The following NT5DC3 variants were observed in gnomAD, a reference collection of about 807,000 sequenced individuals.
NT5DC3 encodes the protein 5'-nucleotidase domain containing 3, also known as 5'-nucleotidase domain-containing protein 3.
A neutral mutation model predicts 67.8 loss-of-function variants in NT5DC3; 42 were observed. The observed-to-expected ratio is 0.62, with a 90% confidence interval of 0.48 to 0.80. The LOEUF (loss-of-function observed/expected upper bound fraction) is 0.80. NT5DC3 is among the 30% of genes least tolerant of loss of function. The pLI is 0.00. For synonymous variants in NT5DC3, 237 were observed against 255.6 expected (o/e 0.93, Z 0.69); for missense variants, 570 against 696.4 (o/e 0.82, Z 2.04).
Position 103,841,228 on chromosome 12 carries a change from G to A in NT5DC3, c.-72C>T, listed in dbSNP as rs1342493844. The A allele has an allele frequency of 4.0e-6, 2 of 499,548 alleles. No individual in the cohort carries two copies. Among genetic ancestry groups the A allele is most frequent in the South Asian group, 2.3e-5 (1 of 44,144 alleles). 30.9% of individuals were successfully genotyped at this position (499,548 alleles called of 1,614,324 possible). On this transcript the variant is annotated 5_prime_UTR_variant, in exon 1 of 14. Coordinates refer to ENST00000392876, the MANE Select transcript of NT5DC3 (RefSeq NM_001031701.3). The stretch of plus-strand genomic sequence containing the variant: ...CTGCTGCCCGGCCCAAGATCTACCC[G>A]CGCTCTGCCCTGCAGGAGGGCAGCT...
At chr12:103,833,023 G>C (rs1005500567) in intron 1 of NT5DC3, among the ~76,000 whole-genome samples, 1 of 152,092 alleles carries the variant, frequency 6.6e-6, no homozygotes, top group Non-Finnish European at 1.5e-5. Flanking sequence ...CGTAGAAAAA[G>C]CACATTTCTG....
At chr12:103,756,540 G>A in the NT5DC3 span, among the ~76,000 whole-genome samples, 1 of 152,156 alleles carries the variant, frequency 6.6e-6, no homozygotes, top group Non-Finnish European at 1.5e-5. Flanking sequence ...CTATATCCAC[G>A]TTTTAGATGA....
At chr12:103,764,857 G>A in the NT5DC3 span, among the ~76,000 whole-genome samples, 2 of 151,978 alleles carry the variant, frequency 1.3e-5, no homozygotes, top group South Asian at 2.1e-4. Context: ...CAGCACTTTC[G>A]GAGGCCAAGG....
In NT5DC3 at chr12:103,798,650, T is replaced by C; in HGVS notation, c.552A>G (p.Glu184=). 1 of 1,613,962 alleles carries C rather than the reference T, an allele frequency of 6.2e-7. No individual in the cohort carries two copies. Among genetic ancestry groups the C allele is most frequent in the Non-Finnish European group, 8.5e-7 (1 of 1,179,790 alleles). ...GGGACCCCTCGTACATTTCAATGAC[T>C]TCTTCATCAGGGACAACACTGAGGC... ...YRGLSVVPDE[E]VIEMYEGSHV... The change falls in exon 5 of 14, where the codon GAA becomes GAG. Residue 184 remains glutamate, a synonymous_variant. Coordinates refer to ENST00000392876, the MANE Select transcript of NT5DC3 (RefSeq NM_001031701.3).
At chr12:103,794,098 G>T in intron 6 of NT5DC3, 101 bp from the exon 7 acceptor site, 3 of 850,192 alleles carry the variant, frequency 3.5e-6, no homozygotes, top group Non-Finnish European at 4.0e-6. Flanking sequence ...TCCCTAGAAA[G>T]TCTGACAATC....
At chr12:103,749,030 G>C in the NT5DC3 span, 30 of 1,613,986 alleles carry the variant, frequency 1.9e-5, no homozygotes, top group Middle Eastern at 1.6e-4. Flanking sequence ...AGAAGGGCAC[G>C]AAGGTCTCCT....
downstream of NT5DC3, chr12:103,768,933 G>A (rs992702483): frequency 5.9e-5 from 9 of 151,982 alleles, no homozygotes; most frequent in South Asian, 2.1e-4. Flanking sequence ...TCAGAGCCTC[G>A]AAGACATCAT....
chr12:103,766,272 C>A, downstream of NT5DC3: 1 of 1,613,974 alleles, frequency 6.2e-7, no homozygotes, highest in South Asian at 1.1e-5. Flanking sequence ...CCCTTACAAC[C>A]CTCTCTTTTC....
intron 5 of NT5DC3, 58 bp downstream of exon 5, chr12:103,798,529 A>G: frequency 8.3e-7 from 1 of 1,204,398 alleles, no homozygotes; most frequent in Non-Finnish European, 1.2e-6. Flanking sequence ...AAGTTCGACA[A>G]GGCCATGTTT....
chr12:103,784,572 G>C (rs1046091772), intron 12 of NT5DC3, among the ~76,000 whole-genome samples: 4 of 152,218 alleles, frequency 2.6e-5, no homozygotes, highest in Non-Finnish European at 4.4e-5. Flanking sequence ...AAGAGAGCAA[G>C]CACCTGTGCC....
rs373551146 is a variant in NT5DC3, at chr12:103,812,489, G to A, written c.393+2448C>T. 9.9e-5 allele frequency among the ~76,000 whole-genome samples: 15 copies of A among 151,150 alleles called. 1 individual carries two copies. Among genetic ancestry groups the A allele is most frequent in the African/African-American group, 3.6e-4 (15 of 41,418 alleles). On this transcript the variant is annotated intron_variant, in intron 2 of 13. Coordinates refer to ENST00000392876, the MANE Select transcript of NT5DC3 (RefSeq NM_001031701.3). ...AGAGGCTTTTCAAATAATAGTGATT[G>A]CAGCTTTTATTTTATCCATCTATTT... is the stretch of plus-strand genomic sequence containing the variant.
In NT5DC3 at chr12:103,803,599, A is replaced by C. The variant is rs558007394; in HGVS notation, c.524+2723T>G. Among the ~76,000 whole-genome samples, 18 of 152,170 alleles carry C rather than the reference A, an allele frequency of 1.2e-4. No homozygotes were observed. The East Asian group carries it at 3.3e-3, about 28-fold the overall frequency. ...ACTAAGCCCTAGTACCCTATCCATT[A>C]GTTATTTTTCCTGATCCTCTCCCTT... On this transcript the variant is annotated intron_variant, in intron 4 of 13. Transcript: ENST00000392876.
the NT5DC3 span, among the ~76,000 whole-genome samples, chr12:103,765,385 A>G: frequency 6.6e-6 from 1 of 152,246 alleles, no homozygotes; most frequent in Non-Finnish European, 1.5e-5. Flanking sequence ...ATAAGGTACC[A>G]GCTTACAAAG....
intron 4 of NT5DC3, among the ~76,000 whole-genome samples, chr12:103,801,340 C>A: frequency 7.1e-6 from 1 of 141,022 alleles, no homozygotes. Context: ...CACTAAGGTA[C>A]AAGACTTCCT....
chr12:103,756,996 A>AATAT, the NT5DC3 span, among the ~76,000 whole-genome samples: 3,637 of 55,364 alleles, frequency 0.066, 70 homozygotes, highest in East Asian at 0.16. Flanking sequence ...AAGGAGGGAA[A>AATAT]ATATATATAT....
At position 103,785,840 on chromosome 12, in the gene NT5DC3, A is replaced by G. The variant is rs2139315524; in HGVS notation, c.1189-365T>C. ...GCTACCAAAGGTCTTCATTCAATTCATCCACAGACCTGTGTGTGCCAGGCC... is the reference window on the plus strand; with the variant it reads ...GCTACCAAAGGTCTTCATTCAATTCGTCCACAGACCTGTGTGTGCCAGGCC... On this transcript the variant is annotated intron_variant, in intron 11 of 13. Coordinates refer to ENST00000392876, the MANE Select transcript of NT5DC3 (RefSeq NM_001031701.3). 9.3e-6 allele frequency: 4 copies of G among 430,910 alleles called. No homozygotes were observed. In the East Asian group the frequency reaches 1.9e-4, roughly 21 times the overall value. 26.7% of individuals were successfully genotyped at this position (430,910 alleles called of 1,614,324 possible). A position where few individuals can be genotyped will look rare whatever the true frequency, so the allele number is the denominator to read the frequency against.
chr12:103,825,076 C>A (rs1300418587), intron 1 of NT5DC3, among the ~76,000 whole-genome samples: 5 of 123,360 alleles, frequency 4.1e-5, no homozygotes, highest in Admixed American at 3.0e-4. Flanking sequence ...GCTGGGCATG[C>A]CCCCCCGGGA....
At chr12:103,755,801 G>T in the NT5DC3 span, 10 of 1,277,360 alleles carry the variant, frequency 7.8e-6, no homozygotes, top group Non-Finnish European at 1.1e-5. Flanking sequence ...GCCTTAAGCT[G>T]AAGGCCACAG....
chr12:103,762,171 T>A, the NT5DC3 span: 1 of 1,506,480 alleles, frequency 6.6e-7, no homozygotes, highest in South Asian at 1.3e-5. Context: ...CATGTCAGTA[T>A]TTTTATCCCC....
Sources: allele counts gnomAD v4.1 joint callset (sites outside exome capture counted in the v4.1 genomes callset), GRCh38; gene constraint gnomAD v4.1.1; transcripts MANE v1.5; gene names NCBI Gene and HGNC (gene_info 2026-07-23, HGNC 2026-07-21).